ZNF540: variants seen among roughly 807,000 people sequenced by gnomAD.
ZNF540 encodes zinc finger protein 540, also known as CTD-3064H18.6.
A neutral mutation model predicts 11.8 loss-of-function variants in ZNF540; 3 were observed. That is an observed-to-expected ratio of 0.25 (90% CI 0.12 to 0.65). ZNF540 has a LOEUF of 0.65. Among genes scored for constraint, ZNF540 ranks in the 30% least tolerant of loss-of-function variants. ZNF540 has a pLI of 0.83. For missense variants in ZNF540, 709 were observed against 793.1 expected (o/e 0.89, Z 1.27); for synonymous variants, 247 against 259.0 (o/e 0.95, Z 0.45).
intron 1 of ZNF540, among the ~76,000 whole-genome samples, chr19:37,596,477 C>T (rs1201323259): frequency 6.6e-6 from 1 of 152,042 alleles, no homozygotes; most frequent in South Asian, 2.1e-4. Context: ...TTGCAGACTC[C>T]CAATCTATAT....
intron 4 of ZNF540, among the ~76,000 whole-genome samples, chr19:37,610,527 G>T (rs1453091996): frequency 1.3e-5 from 2 of 152,220 alleles, no homozygotes; most frequent in Non-Finnish European, 2.9e-5. Context: ...CTGTGTAAGA[G>T]ATATTTAACC....
At chr19:37,552,397 C>T (rs1274906765) in intron 1 of ZNF540, among the ~76,000 whole-genome samples, 1 of 152,104 alleles carries the variant, frequency 6.6e-6, no homozygotes, top group Non-Finnish European at 1.5e-5. Flanking sequence ...CTATTAGCAC[C>T]GTTCAGGTAT....
At chr19:37,551,866 C>CT (rs1050084953) in intron 1 of ZNF540, among the ~76,000 whole-genome samples, 1 of 151,774 alleles carries the variant, frequency 6.6e-6, no homozygotes, top group African/African-American at 2.4e-5. Context: ...AAGAATGTGT[C>CT]TCGTGCGGTG....
chr19:37,586,667 C>G (rs200573176), intron 1 of ZNF540: 1 of 1,613,942 alleles, frequency 6.2e-7, no homozygotes, highest in Non-Finnish European at 8.5e-7. Context: ...CAGCAACTCA[C>G]GTGGGGCATG....
chr19:37,596,801 G>A (rs2043999921), intron 1 of ZNF540, among the ~76,000 whole-genome samples: 1 of 152,112 alleles, frequency 6.6e-6, no homozygotes, highest in Admixed American at 6.5e-5. Flanking sequence ...AGTTTAACAT[G>A]TTATTATCAG....
upstream of ZNF540, among the ~76,000 whole-genome samples, chr19:37,590,054 A>G (rs2043820558): frequency 6.6e-6 from 1 of 151,850 alleles, no homozygotes; most frequent in African/African-American, 2.4e-5. Context: ...ATTTAATTAA[A>G]TTAAATGTTT....
In ZNF540 at chr19:37,611,886, T is replaced by C. The variant is rs1360664975; in HGVS notation, c.606T>C (p.Leu202=). ...CGSTFNNVYQ[L]TLHQKIHTGE... is the part of the protein sequence containing the mutation. ...GTACTTTTAATAATGTCTATCAGCT[T>C]ACTCTCCATCAGAAAATTCATACTG... Residue 202 remains leucine (L), a synonymous_variant, in exon 5 of 5, where the codon CTT becomes CTC. Transcript: ENST00000316433. 1.2e-6 allele frequency: 2 copies of C among 1,613,900 alleles called. No individual in the cohort carries two copies. Among genetic ancestry groups the C allele is most frequent in the Non-Finnish European group, 1.7e-6 (2 of 1,179,962 alleles).
chr19:37,590,542 T>C (rs1294564204), upstream of ZNF540, among the ~76,000 whole-genome samples: 3 of 152,172 alleles, frequency 2.0e-5, no homozygotes, highest in East Asian at 3.8e-4. Flanking sequence ...AAATGAACTA[T>C]AGTTATAGTC....
chr19:37,612,115 G>C lies in ZNF540; in HGVS notation c.835G>C (p.Gly279Arg), dbSNP rs201434984. 1.9e-6 allele frequency: 3 copies of C among 1,611,390 alleles called. No homozygotes were observed. The highest frequency in any genetic ancestry group is 1.7e-5 in the Admixed American group (1 of 59,832). ...KPYMCKKCDK[G>R]FFSRLELTQH... Reference sequence around the variant, plus strand: ...CTATATGTGTAAGAAATGTGATAAGGGTTTTTTTAGTAGATTAGAACTTAC... The same window carrying C: ...CTATATGTGTAAGAAATGTGATAAGCGTTTTTTTAGTAGATTAGAACTTAC... Residue 279 changes from glycine (G) to arginine (R), a missense_variant, in exon 5 of 5, where the codon GGT becomes CGT. Transcript: ENST00000316433.
At chr19:37,557,140 G>A (rs1189287517) in intron 1 of ZNF540, among the ~76,000 whole-genome samples, 2 of 152,164 alleles carry the variant, frequency 1.3e-5, no homozygotes, top group Non-Finnish European at 2.9e-5. Flanking sequence ...AGTACTAGAA[G>A]GTATTTGTAC....
chr19:37,588,650 G>A lies in ZNF540; in HGVS notation c.-72-9726G>A, dbSNP rs142508028. ...GTGACTGGATCATACCCCAAACCTCGGCATCACACAATATGCCATATAACA... is the reference window on the plus strand; with the variant it reads ...GTGACTGGATCATACCCCAAACCTCAGCATCACACAATATGCCATATAACA... On this transcript the variant is annotated intron_variant, in intron 1 of 4. Transcript: ENST00000592533. Among the ~76,000 whole-genome samples the A allele has an allele frequency of 1.6e-3, 243 of 152,082 alleles. 2 individuals carry two copies. The highest frequency in any genetic ancestry group is 5.6e-3 in the African/African-American group (234 of 41,454).
chr19:37,606,847 C>A (rs1270120052), intron 4 of ZNF540, among the ~76,000 whole-genome samples: 1 of 152,026 alleles, frequency 6.6e-6, no homozygotes, highest in African/African-American at 2.4e-5. Context: ...CATGGCATGT[C>A]TTTTCATTTT....
In ZNF540 at chr19:37,557,847, G is replaced by C. The variant is rs191682141; in HGVS notation, c.-73+6182G>C. Among the ~76,000 whole-genome samples the C allele has an allele frequency of 2.6e-3, 390 of 152,300 alleles. 4 individuals are homozygous for C. Among genetic ancestry groups the C allele is most frequent in the African/African-American group, 8.6e-3 (358 of 41,578 alleles). On this transcript the variant is annotated intron_variant, in intron 1 of 4. Coordinates refer to the ZNF540 transcript ENST00000592533. ...GCCTTAAGGGTTAAATTTTGGCCCA[G>C]AGTTAACTTATCAGCCTCTTGGACT...
In ZNF540 at chr19:37,565,696, A is replaced by T. The variant is rs767535050; in HGVS notation, c.-73+14031A>T. The T allele has an allele frequency of 1.5e-5, 24 of 1,613,790 alleles. No individual in the cohort carries two copies. The Admixed American group carries it at 2.0e-4, about 13-fold the overall frequency. On this transcript the variant is annotated intron_variant, in intron 1 of 4. Coordinates refer to the ZNF540 transcript ENST00000592533. ...ATTCATATGGTTTCTCTCCTGTATG[A>T]ACTCTCTGATGTTCAGTGAGCTGTG...
intron 1 of ZNF540, among the ~76,000 whole-genome samples, chr19:37,573,819 C>T (rs1444830378): frequency 2.7e-5 from 4 of 147,214 alleles, no homozygotes; most frequent in African/African-American, 5.0e-5. Flanking sequence ...CGCAACAGAA[C>T]GAGATCCTGT....
intron 1 of ZNF540, chr19:37,566,385 A>T (rs1041292918): frequency 7.1e-7 from 1 of 1,400,730 alleles, no homozygotes; most frequent in Non-Finnish European, 9.6e-7. Flanking sequence ...AATTCTCATT[A>T]AGAATAGAAT....
At chr19:37,562,168 A>AG (rs760744085) in intron 1 of ZNF540, among the ~76,000 whole-genome samples, 17 of 152,150 alleles carry the variant, frequency 1.1e-4, no homozygotes, top group Non-Finnish European at 1.5e-5. Flanking sequence ...AGATCACCTG[A>AG]GGTCAGGAGT....
At chr19:37,558,923 C>T (rs1266025144) in intron 1 of ZNF540, among the ~76,000 whole-genome samples, 1 of 152,098 alleles carries the variant, frequency 6.6e-6, no homozygotes. Flanking sequence ...CAGCTCACTG[C>T]AATCTTGACC....
At chr19:37,602,016 C>A (rs1362036753) in intron 4 of ZNF540, among the ~76,000 whole-genome samples, 2 of 151,956 alleles carry the variant, frequency 1.3e-5, no homozygotes, top group African/African-American at 4.8e-5. Context: ...TAAACAGGGG[C>A]AAGATTGGAA....
Sources: gnomAD v4.1 joint callset for allele counts (sites outside exome capture counted in the v4.1 genomes callset) on GRCh38, gnomAD v4.1.1 for gene constraint, MANE v1.5 for transcripts, NCBI Gene and HGNC (gene_info 2026-07-23, HGNC 2026-07-21) for gene names.